Variants in TMEM132B observed in about 807,000 individuals in gnomAD.
TMEM132B encodes transmembrane protein 132B.
Under a neutral mutation model 90.8 loss-of-function variants are expected in TMEM132B, and 18 were observed. The ratio of observed to expected loss-of-function variants is 0.20; its 90% CI spans 0.14 to 0.29. The LOEUF (loss-of-function observed/expected upper bound fraction) is 0.29. Among genes scored for constraint, TMEM132B ranks in the 10% least tolerant of loss-of-function variants. The probability of loss-of-function intolerance (pLI) is 1.00; values close to 1 mark genes in which losing one functional copy is unlikely to be tolerated. For synonymous variants in TMEM132B, 504 were observed against 523.3 expected (o/e 0.96, Z 0.50); for missense variants, 1,096 against 1,326.8 (o/e 0.83, Z 2.70).
chr12:125,587,430 TA>T (rs776073921), intron 5 of TMEM132B: 1 of 152,146 alleles, frequency 6.6e-6, no homozygotes, highest in Non-Finnish European at 1.5e-5. Context: ...CTGCATAGTT[TA>T]AAAATTGTTA....
intron 4 of TMEM132B, among the ~76,000 whole-genome samples, chr12:125,525,725 G>A (rs936151930): frequency 1.3e-5 from 2 of 152,188 alleles, no homozygotes; most frequent in Non-Finnish European, 2.9e-5. Context: ...TTAGCCAACG[G>A]CCACTCCTGC....
At chr12:125,455,798 T>G (rs1881278662) in intron 3 of TMEM132B, among the ~76,000 whole-genome samples, 1 of 152,134 alleles carries the variant, frequency 6.6e-6, no homozygotes, top group African/African-American at 2.4e-5. Flanking sequence ...CAGGGAGTTG[T>G]AAGTGGAAGT....
At chr12:125,617,298 A>G (rs1393158042) in intron 5 of TMEM132B, among the ~76,000 whole-genome samples, 6 of 151,020 alleles carry the variant, frequency 4.0e-5, no homozygotes, top group South Asian at 4.2e-4. Context: ...GCATGCTGAT[A>G]GTCACCCTGC....
intron 3 of TMEM132B, among the ~76,000 whole-genome samples, chr12:125,503,984 A>G (rs1484182809): frequency 1.3e-5 from 2 of 152,238 alleles, no homozygotes; most frequent in East Asian, 3.8e-4. Context: ...TAATTGGCCT[A>G]TAAGAAAGAT....
intron 3 of TMEM132B, among the ~76,000 whole-genome samples, chr12:125,504,252 C>T (rs1206222438): frequency 6.6e-6 from 1 of 152,188 alleles, no homozygotes; most frequent in Admixed American, 6.5e-5. Context: ...AGATGGCCTT[C>T]AGAGTGTCAA....
At position 125,326,992 on chromosome 12, in the gene TMEM132B, TTCTC is replaced by T. The variant is rs111515334; in HGVS notation, c.68-22451_68-22448del. ...TAACAACACAGGCACCTGCTTTCCC[TTCTC>T]TCTCTCTCCCTGGATGCCCCCTGAG... On this transcript the variant is annotated intron_variant, in intron 1 of 8. Coordinates refer to ENST00000682704, the MANE Select transcript of TMEM132B (RefSeq NM_001366854.1). Among the ~76,000 whole-genome samples, 1,267 of 151,924 alleles carry T rather than the reference TTCTC, an allele frequency of 8.3e-3. 10 individuals are homozygous for T. Among genetic ancestry groups the T allele is most frequent in the African/African-American group, 0.029 (1,184 of 41,400 alleles).
At chr12:125,436,817 G>T (rs1880719907) in intron 3 of TMEM132B, among the ~76,000 whole-genome samples, 1 of 152,108 alleles carries the variant, frequency 6.6e-6, no homozygotes, top group Non-Finnish European at 1.5e-5. Context: ...CTGGAACATA[G>T]AACTATGGCT....
In TMEM132B at chr12:125,406,444, G is replaced by A. The variant is rs1196380183; in HGVS notation, c.960-9087G>A. Among the ~76,000 whole-genome samples the A allele has an allele frequency of 6.6e-6, 1 of 152,160 alleles. No individual in the cohort carries two copies. The stretch of plus-strand genomic sequence containing the variant: ...AAGTTCTTTTTCTACTGTGAAATGG[G>A]TACCGGGGAAAGGTGAGCCACAGTC... On this transcript the variant is annotated intron_variant, in intron 2 of 8. Coordinates refer to ENST00000682704, the MANE Select transcript of TMEM132B (RefSeq NM_001366854.1). This position sits in a 1 kb window ranked among gnomAD's most constrained non-coding sequence, Gnocchi z 8.3.
chr12:125,361,517 A>G (rs1294466128), intron 2 of TMEM132B, among the ~76,000 whole-genome samples: 3 of 152,214 alleles, frequency 2.0e-5, no homozygotes, highest in Non-Finnish European at 4.4e-5. Flanking sequence ...CTTTTCCCAA[A>G]TAAAACTCAG....
At chr12:125,651,386 A>T (rs1473876206) in intron 7 of TMEM132B, among the ~76,000 whole-genome samples, 1 of 152,236 alleles carries the variant, frequency 6.6e-6, no homozygotes, top group Non-Finnish European at 1.5e-5. Flanking sequence ...AAAAGTTTTT[A>T]AAAATATAAT....
rs115400576 is a variant in TMEM132B at position 125,570,112 on chromosome 12, G to A, written c.1294-13739G>A. On this transcript the variant is annotated intron_variant, in intron 4 of 8. Coordinates refer to ENST00000682704, the MANE Select transcript of TMEM132B (RefSeq NM_001366854.1). ...TACGTTTGAGATCCTACTCCACCCC[G>A]GGCAGTATGCGAGCCAATGGGAAAA... Among the ~76,000 whole-genome samples, 1,059 of 152,202 alleles carry A rather than the reference G, an allele frequency of 7.0e-3. 17 individuals carry two copies. Among genetic ancestry groups the A allele is most frequent in the African/African-American group, 0.023 (951 of 41,506 alleles).
intron 5 of TMEM132B, among the ~76,000 whole-genome samples, chr12:125,636,730 A>G (rs764674390): frequency 5.9e-5 from 9 of 152,202 alleles, no homozygotes; most frequent in Non-Finnish European, 7.3e-5. Context: ...CATACGGGAA[A>G]TAGAAGAGAT....
intron 1 of TMEM132B, among the ~76,000 whole-genome samples, chr12:125,265,742 T>C (rs1874678437): frequency 6.6e-6 from 1 of 152,188 alleles, no homozygotes; most frequent in African/African-American, 2.4e-5. Flanking sequence ...GTTTTTTTAC[T>C]TTCTATAAAC....
At position 125,654,575 on chromosome 12, in the gene TMEM132B, A is replaced by T; in HGVS notation, c.3117A>T (p.Pro1039=). 1 of 1,614,194 alleles carries T rather than the reference A, an allele frequency of 6.2e-7. No individual in the cohort carries two copies. The highest frequency in any genetic ancestry group is 8.5e-7 in the Non-Finnish European group (1 of 1,180,036). The change falls in exon 9 of 9, where the codon CCA becomes CCT. Residue 1039 remains proline, a synonymous_variant. Transcript: ENST00000682704. The surrounding 1 kb of genome is among the most constrained non-coding windows in gnomAD (Gnocchi z 5.8). ...TCACTTCCTACACCACCATCCTCCC[A>T]GAGGACGGCGGCCCATACACCAACT... ...VKFTSYTTIL[P]EDGGPYTNSI...
chr12:125,645,557 C>G (rs142269641), intron 6 of TMEM132B, among the ~76,000 whole-genome samples: 1 of 152,304 alleles, frequency 6.6e-6, no homozygotes, highest in African/African-American at 2.4e-5. Context: ...CAAATGACAA[C>G]CAGCCAGGAA....
At chr12:125,369,992 C>T (rs781484878) in intron 2 of TMEM132B, among the ~76,000 whole-genome samples, 2 of 152,030 alleles carry the variant, frequency 1.3e-5, no homozygotes, top group Non-Finnish European at 2.9e-5. Flanking sequence ...GAGGTTGCAG[C>T]GAGCCAAGAT....
intron 3 of TMEM132B, among the ~76,000 whole-genome samples, chr12:125,508,580 G>C (rs1882901509): frequency 6.6e-6 from 1 of 152,000 alleles, no homozygotes; most frequent in Non-Finnish European, 1.5e-5. Flanking sequence ...ATGACTCCAG[G>C]ACCATGGTCT....
intron 4 of TMEM132B, among the ~76,000 whole-genome samples, chr12:125,547,191 T>C (rs1339812324): frequency 2.6e-5 from 4 of 152,166 alleles, no homozygotes; most frequent in Non-Finnish European, 5.9e-5. Flanking sequence ...ATGGTAAACA[T>C]ATGCTTAATT....
At chr12:125,469,019 G>A (rs1419139439) in intron 3 of TMEM132B, among the ~76,000 whole-genome samples, 1 of 152,148 alleles carries the variant, frequency 6.6e-6, no homozygotes, top group Non-Finnish European at 1.5e-5. Flanking sequence ...CATATTACCT[G>A]TGAACAGAGA....
Sources: gnomAD v4.1 joint callset for allele counts (sites outside exome capture counted in the v4.1 genomes callset) on GRCh38, gnomAD v4.1.1 for gene constraint, Gnocchi (gnomAD v3.1) non-coding constraint, MANE v1.5 for transcripts, NCBI Gene and HGNC (gene_info 2026-07-23, HGNC 2026-07-21) for gene names.